The following PRDM5 variants were observed in gnomAD, a reference collection of about 807,000 sequenced individuals.
PRDM5 encodes the protein PR/SET domain 5, also known as PR domain zinc finger protein 5.
PRDM5 carries 56 observed loss-of-function variants against 81.2 expected under a neutral mutation model. The ratio of observed to expected loss-of-function variants is 0.69; its 90% CI spans 0.56 to 0.86. PRDM5 has a LOEUF of 0.86. PRDM5 is among the 40% of genes least tolerant of loss of function. PRDM5 has a pLI of 0.00. For synonymous variants in PRDM5, 267 were observed against 256.4 expected (o/e 1.04, Z -0.39); for missense variants, 697 against 770.1 (o/e 0.91, Z 1.12).
intron 14 of PRDM5, among the ~76,000 whole-genome samples, chr4:120,740,258 T>C (rs1366927667): frequency 6.6e-6 from 1 of 152,222 alleles, no homozygotes; most frequent in Non-Finnish European, 1.5e-5. Context: ...CTCTTGTTCC[T>C]ATAGGACAAA....
intron 13 of PRDM5, among the ~76,000 whole-genome samples, chr4:120,767,998 T>A (rs777822311): frequency 6.6e-6 from 1 of 152,194 alleles, no homozygotes; most frequent in South Asian, 2.1e-4. Context: ...TGTGGAACTG[T>A]GAGTCCGTTA....
chr4:120,897,403 T>C (rs1421493040), intron 2 of PRDM5, among the ~76,000 whole-genome samples: 2 of 152,208 alleles, frequency 1.3e-5, no homozygotes, highest in East Asian at 1.9e-4. Context: ...AGGATTGTCT[T>C]GGTTTAAGTA....
In PRDM5 at chr4:120,694,823, G is replaced by A. The variant is rs1734335581; in HGVS notation, c.*288C>T. On this transcript the variant is annotated 3_prime_UTR_variant, in exon 16 of 16. Transcript: ENST00000264808. The stretch of plus-strand genomic sequence containing the variant: ...ATTATAAACTTCATTACAGAGGGAT[G>A]GCCAAGAAAGAGAGCCATGACTCCT... 1 of 398,110 alleles carries A rather than the reference G, an allele frequency of 2.5e-6. No individual in the cohort carries two copies. The highest frequency in any genetic ancestry group is 3.8e-5 in the Admixed American group (1 of 26,664). The allele number at this position is 398,110 out of a possible 1,614,324, so 24.7% of individuals were successfully genotyped here.
intron 11 of PRDM5, among the ~76,000 whole-genome samples, chr4:120,781,905 C>T (rs1194352017): frequency 6.6e-6 from 1 of 152,164 alleles, no homozygotes; most frequent in Non-Finnish European, 1.5e-5. Flanking sequence ...GTCTCCAAGG[C>T]TTTGAGGGAT....
chr4:120,706,597 G>C (rs10005334), intron 15 of PRDM5, among the ~76,000 whole-genome samples: 4,862 of 151,886 alleles, frequency 0.032, 260 homozygotes, highest in African/African-American at 0.11. Context: ...GAGAAAGAAA[G>C]ATTTCAAAGT....
chr4:120,736,099 C>T (rs1741078933), intron 14 of PRDM5, among the ~76,000 whole-genome samples: 1 of 151,986 alleles, frequency 6.6e-6, no homozygotes, highest in African/African-American at 2.4e-5. Flanking sequence ...GTCTGGCCTT[C>T]TGTGTCTGGC....
intron 14 of PRDM5, among the ~76,000 whole-genome samples, chr4:120,753,299 T>G (rs1257798157): frequency 6.6e-6 from 1 of 152,232 alleles, no homozygotes; most frequent in East Asian, 1.9e-4. Context: ...ATTGTACATT[T>G]AAATCATACT....
chr4:120,917,434 AT>A (rs1293842863), intron 1 of PRDM5, among the ~76,000 whole-genome samples: 9 of 152,002 alleles, frequency 5.9e-5, no homozygotes, highest in Admixed American at 1.3e-4. Flanking sequence ...TCTTTTTTCT[AT>A]AATTCTTATA....
chr4:120,729,894 A>G (rs1303888012), intron 14 of PRDM5, among the ~76,000 whole-genome samples: 3 of 152,204 alleles, frequency 2.0e-5, no homozygotes, highest in Admixed American at 1.3e-4. Context: ...AGCAAGAAAC[A>G]TCAGAACAGG....
chr4:120,874,378 T>C (rs530525117), intron 2 of PRDM5, among the ~76,000 whole-genome samples: 4 of 152,110 alleles, frequency 2.6e-5, no homozygotes, highest in Non-Finnish European at 4.4e-5. Context: ...GCAGTGGAGG[T>C]GAAATGTTTT....
chr4:120,863,835 T>C (rs1262966553), intron 2 of PRDM5, among the ~76,000 whole-genome samples: 2 of 152,234 alleles, frequency 1.3e-5, no homozygotes, highest in Non-Finnish European at 2.9e-5. Flanking sequence ...TAAAGTAACT[T>C]AGTCATTTTG....
At position 120,756,425 on chromosome 4, in the gene PRDM5, T is replaced by A. The variant is rs534887794; in HGVS notation, c.1538-1787A>T. Among the ~76,000 whole-genome samples, 3 of 152,336 alleles carry A rather than the reference T, an allele frequency of 2.0e-5. No individual in the cohort carries two copies. In the South Asian group the frequency reaches 6.2e-4, roughly 32 times the overall value. ...CATCCAAGATAACCCCACACTTTTT[T>A]ACTCACTTCTCCCTCCATCCAGACT... is the stretch of plus-strand genomic sequence containing the variant. On this transcript the variant is annotated intron_variant, in intron 13 of 15. Coordinates refer to ENST00000264808, the MANE Select transcript of PRDM5 (RefSeq NM_018699.4).
intron 14 of PRDM5, among the ~76,000 whole-genome samples, chr4:120,716,652 A>G (rs1737795021): frequency 6.6e-6 from 1 of 152,212 alleles, no homozygotes; most frequent in African/African-American, 2.4e-5. Flanking sequence ...TTCATGGCAG[A>G]TACTAGTCAG....
intron 13 of PRDM5, among the ~76,000 whole-genome samples, chr4:120,755,866 G>C (rs1227032601): frequency 6.6e-6 from 1 of 152,142 alleles, no homozygotes; most frequent in African/African-American, 2.4e-5. Context: ...ACATTTTCCA[G>C]CCTCTCCTCC....
intron 8 of PRDM5, among the ~76,000 whole-genome samples, chr4:120,803,744 A>T (rs193256757): frequency 2.6e-5 from 4 of 152,362 alleles, no homozygotes; most frequent in African/African-American, 7.2e-5. Context: ...AGCCACTGCA[A>T]AAACATGCCA....
intron 1 of PRDM5, among the ~76,000 whole-genome samples, chr4:120,913,848 A>T (rs1037516709): frequency 1.3e-5 from 2 of 152,196 alleles, no homozygotes; most frequent in African/African-American, 4.8e-5. Context: ...ACAGCCCACA[A>T]TCTTTCCTGC....
chr4:120,812,302 T>C (rs1213637612), intron 7 of PRDM5, among the ~76,000 whole-genome samples: 1 of 152,140 alleles, frequency 6.6e-6, no homozygotes. Context: ...GGTATATATC[T>C]ACAGTGGAAT....
intron 14 of PRDM5, among the ~76,000 whole-genome samples, chr4:120,728,912 T>A (rs1739845006): frequency 1.3e-5 from 2 of 152,042 alleles, no homozygotes; most frequent in Admixed American, 1.3e-4. Flanking sequence ...AAAGCAGAAC[T>A]AAAGGAGAGA....
intron 3 of PRDM5, among the ~76,000 whole-genome samples, chr4:120,833,341 A>AG (rs1756942611): frequency 6.6e-6 from 1 of 151,986 alleles, no homozygotes; most frequent in African/African-American, 2.4e-5. Context: ...GTCACTTGGT[A>AG]GCCTTCTCGG....
Sources: allele counts gnomAD v4.1 joint callset (sites outside exome capture counted in the v4.1 genomes callset), GRCh38; gene constraint gnomAD v4.1.1; transcripts MANE v1.5; gene names NCBI Gene and HGNC (gene_info 2026-07-23, HGNC 2026-07-21).